The following CNBD2 variants were observed in gnomAD, a reference collection of about 807,000 sequenced individuals.
The protein encoded by CNBD2 is cyclic nucleotide binding domain containing 2.
CNBD2 carries 64 observed loss-of-function variants against 63.7 expected under a neutral mutation model. That is an observed-to-expected ratio of 1.00 (90% CI 0.82 to 1.24). The LOEUF is 1.24. Ranked by LOEUF, CNBD2 falls within the 50% of genes most tolerant of loss-of-function variation. The pLI, the probability that CNBD2 is intolerant of heterozygous loss-of-function variation, is 0.00. For missense variants in CNBD2, 691 were observed against 713.5 expected, an observed-to-expected ratio of 0.97 and a Z score of 0.36; for synonymous variants, 229 against 255.4, an observed-to-expected ratio of 0.90 and a Z score of 0.99.
chr20:35,995,836 A>G (rs1421736382), intron 8 of CNBD2, among the ~76,000 whole-genome samples: 2 of 152,164 alleles, frequency 1.3e-5, no homozygotes, highest in African/African-American at 2.4e-5. Flanking sequence ...TCAGTTTTCT[A>G]TTTCTATAAC....
At chr20:35,999,746 C>T (rs367672182) in intron 8 of CNBD2, among the ~76,000 whole-genome samples, 24 of 150,662 alleles carry the variant, frequency 1.6e-4, no homozygotes, top group African/African-American at 3.7e-4. Context: ...GGCACGATCT[C>T]GGCTCACTGC....
At chr20:35,985,736 C>T (rs982878408) in intron 6 of CNBD2, among the ~76,000 whole-genome samples, 11 of 152,298 alleles carry the variant, frequency 7.2e-5, no homozygotes, top group African/African-American at 1.7e-4. Context: ...GATCTGACTA[C>T]CTTGGCCTCC....
intron 2 of CNBD2, chr20:35,972,973 C>A (rs995954436): frequency 3.4e-6 from 2 of 583,102 alleles, no homozygotes; most frequent in Non-Finnish European, 6.0e-6. Flanking sequence ...TACTGAACCC[C>A]AGATTTAGAC....
At chr20:36,001,477 G>T (rs1426367312) in intron 8 of CNBD2, among the ~76,000 whole-genome samples, 1 of 151,362 alleles carries the variant, frequency 6.6e-6, no homozygotes, top group Non-Finnish European at 1.5e-5. Flanking sequence ...AGACGGGGCG[G>T]CTGGCCGGGC....
intron 11 of CNBD2, among the ~76,000 whole-genome samples, chr20:36,029,473 G>A (rs548187160): frequency 5.6e-4 from 85 of 152,300 alleles, no homozygotes; most frequent in African/African-American, 2.0e-3. Context: ...CTGGCTTGCA[G>A]TGTTTGCTGA....
chr20:35,990,578 A>G (rs868390221), intron 7 of CNBD2, among the ~76,000 whole-genome samples: 1 of 152,132 alleles, frequency 6.6e-6, no homozygotes, highest in African/African-American at 2.4e-5. Flanking sequence ...CAGTGAGCCA[A>G]TATCTCACCA....
At chr20:35,990,954 T>G (rs1276536497) in intron 7 of CNBD2, among the ~76,000 whole-genome samples, 1 of 151,848 alleles carries the variant, frequency 6.6e-6, no homozygotes, top group Non-Finnish European at 1.5e-5. Context: ...AAAAATTAAT[T>G]TAAAAAAAAA....
intron 10 of CNBD2, among the ~76,000 whole-genome samples, chr20:36,022,210 T>C (rs1288343510): frequency 7.7e-6 from 1 of 130,584 alleles, no homozygotes; most frequent in African/African-American, 3.1e-5. Context: ...TTTTTTTTTT[T>C]TTTTTTTGAG....
chr20:35,994,633 A>G (rs2056797121), intron 7 of CNBD2, among the ~76,000 whole-genome samples: 1 of 151,490 alleles, frequency 6.6e-6, no homozygotes, highest in Admixed American at 6.6e-5. Flanking sequence ...TCACACCTGT[A>G]ATCCCAGCAC....
chr20:36,030,662 G>A lies in CNBD2; in HGVS notation c.*14G>A. The stretch of plus-strand genomic sequence containing the variant: ...CTCTTGGCTTAGTGTAAGAGCACAG[G>A]GGTCCTTATTTAGGACAAATAAAGG... On this transcript the variant is annotated 3_prime_UTR_variant, in exon 12 of 12. Coordinates refer to ENST00000373973, the MANE Select transcript of CNBD2 (RefSeq NM_001365709.1). The A allele has an allele frequency of 6.2e-7, 1 of 1,613,152 alleles. No individual in the cohort carries two copies. Among genetic ancestry groups the A allele is most frequent in the South Asian group, 1.1e-5 (1 of 91,028 alleles).
intron 11 of CNBD2, among the ~76,000 whole-genome samples, 193 bp from the exon 12 acceptor site, chr20:36,030,147 GTAGCTACAGGTGGCCCA>G (rs1260037829): frequency 6.6e-6 from 1 of 152,152 alleles, no homozygotes; most frequent in African/African-American, 2.4e-5. Context: ...CAGGTACTCA[GTAGCTACAGGTGGCCCA>G]TTGCTACTAC....
At chr20:36,002,543 G>A (rs553421052) in intron 8 of CNBD2, among the ~76,000 whole-genome samples, 82 of 152,260 alleles carry the variant, frequency 5.4e-4, no homozygotes, top group African/African-American at 1.9e-3. Context: ...CACCTGCCTT[G>A]GCTTCCCAAA....
At position 35,995,157 on chromosome 20, in the gene CNBD2, G is replaced by A. The variant is rs371711682; in HGVS notation, c.970+5G>A. 7.5e-6 allele frequency: 12 copies of A among 1,605,890 alleles called. No individual in the cohort carries two copies. The highest frequency in any genetic ancestry group is 3.3e-5 in the Admixed American group (2 of 59,972). On this transcript the variant is annotated splice_donor_5th_base_variant and intron_variant, in intron 8 of 11. Coordinates refer to ENST00000373973, the MANE Select transcript of CNBD2 (RefSeq NM_001365709.1). ...CTCTGAAGACCCACCTGAGTGGTAA[G>A]CTGCCTTGGCCTGTCTGACAGCAGG... is the stretch of plus-strand genomic sequence containing the variant.
chr20:36,020,934 C>A (rs1461790429), intron 10 of CNBD2, among the ~76,000 whole-genome samples: 2 of 152,182 alleles, frequency 1.3e-5, no homozygotes, highest in East Asian at 3.8e-4. Flanking sequence ...GGGCTCAGAG[C>A]ACCCAAAAAT....
chr20:35,955,585 T>A (rs1376974758), downstream of CNBD2, among the ~76,000 whole-genome samples: 1 of 152,172 alleles, frequency 6.6e-6, no homozygotes, highest in African/African-American at 2.4e-5. Flanking sequence ...CTCTTGTTTT[T>A]ATTAGGTAAA....
chr20:36,003,163 A>T lies in CNBD2; in HGVS notation c.971-5134A>T, dbSNP rs147257342. Reference sequence around the variant, plus strand: ...GTCTTTTTATAATTTCCACAACTCTACTTAATATACACAATATTTTTTCCT... The same window carrying T: ...GTCTTTTTATAATTTCCACAACTCTTCTTAATATACACAATATTTTTTCCT... On this transcript the variant is annotated intron_variant, in intron 8 of 11. Transcript: ENST00000373973. Among the ~76,000 whole-genome samples, 16 of 152,226 alleles carry T rather than the reference A, an allele frequency of 1.1e-4. No individual in the cohort carries two copies. The East Asian group carries it at 2.1e-3, about 20-fold the overall frequency.
chr20:36,007,733 G>A (rs114426799), intron 8 of CNBD2, among the ~76,000 whole-genome samples: 1 of 152,106 alleles, frequency 6.6e-6, no homozygotes, highest in African/African-American at 2.4e-5. Flanking sequence ...ATGTTGCCTA[G>A]GCTGGTCTTG....
intron 11 of CNBD2, among the ~76,000 whole-genome samples, chr20:36,027,694 T>C (rs1017577337): frequency 6.6e-6 from 1 of 151,672 alleles, no homozygotes; most frequent in African/African-American, 2.4e-5. Context: ...TTTTTTTTTT[T>C]AGACAGAGTC....
At chr20:35,966,810 A>G (rs1390231134), upstream of CNBD2, among the ~76,000 whole-genome samples, 1 of 151,926 alleles carries the variant, frequency 6.6e-6, no homozygotes, top group Non-Finnish European at 1.5e-5. Context: ...AAGTACACCC[A>G]TTTTTCTATG....
Sources: allele counts gnomAD v4.1 joint callset (sites outside exome capture counted in the v4.1 genomes callset), GRCh38; gene constraint gnomAD v4.1.1; transcripts MANE v1.5; gene names NCBI Gene and HGNC (gene_info 2026-07-23, HGNC 2026-07-21).